Variants in GABRB2 observed in about 807,000 individuals in gnomAD.
The protein encoded by GABRB2 is gamma-aminobutyric acid type A receptor subunit beta2.
Under a neutral mutation model 54.7 loss-of-function variants are expected in GABRB2, and 16 were observed. That is an observed-to-expected ratio of 0.29 (90% CI 0.20 to 0.44). The LOEUF is 0.44. Ranked by LOEUF, GABRB2 falls within the 20% of genes least tolerant of loss-of-function variation. The pLI, the probability that GABRB2 is intolerant of heterozygous loss-of-function variation, is 1.00. For synonymous variants in GABRB2, 244 were observed against 233.8 expected, an observed-to-expected ratio of 1.04 and a Z score of -0.40; for missense variants, 355 against 644.0, an observed-to-expected ratio of 0.55 and a Z score of 4.86.
intron 4 of GABRB2, among the ~76,000 whole-genome samples, chr5:161,438,421 G>C (rs1002739940): frequency 6.6e-6 from 1 of 152,118 alleles, no homozygotes; most frequent in Non-Finnish European, 1.5e-5. Flanking sequence ...CTCCCCAAGA[G>C]AGACAGCTAC....
chr5:161,315,149 T>C (rs1347583038), intron 9 of GABRB2, among the ~76,000 whole-genome samples: 1 of 152,224 alleles, frequency 6.6e-6, no homozygotes, highest in Non-Finnish European at 1.5e-5. Context: ...GCATTACATA[T>C]AAACTTTTAA....
upstream of GABRB2, chr5:161,546,819 ATT>A: frequency 2.4e-5 from 29 of 1,211,196 alleles, no homozygotes; most frequent in Non-Finnish European, 3.0e-5. Context: ...AAAAAAAAAA[ATT>A]AAAAGGGAAA....
At chr5:161,424,327 C>G (rs922212295) in intron 4 of GABRB2, among the ~76,000 whole-genome samples, 1 of 152,088 alleles carries the variant, frequency 6.6e-6, no homozygotes, top group Non-Finnish European at 1.5e-5. Flanking sequence ...GTCAATTCCT[C>G]GATTCAAAGC....
intron 3 of GABRB2, among the ~76,000 whole-genome samples, chr5:161,523,502 T>C (rs577860804): frequency 6.6e-6 from 1 of 151,612 alleles, no homozygotes; most frequent in African/African-American, 2.4e-5. Flanking sequence ...ACTTTCCTGC[T>C]TTTCTTACAT....
chr5:161,479,689 A>G (rs565703924), intron 3 of GABRB2, among the ~76,000 whole-genome samples: 193 of 150,028 alleles, frequency 1.3e-3, no homozygotes, highest in African/African-American at 4.6e-3. Context: ...TCCCAGTTTC[A>G]AGCAATTCTC....
At chr5:161,445,722 C>T (rs1028923317) in intron 4 of GABRB2, among the ~76,000 whole-genome samples, 27 of 152,124 alleles carry the variant, frequency 1.8e-4, no homozygotes, top group South Asian at 4.1e-4. Context: ...CAACCAATTG[C>T]CAATCCGAAA....
chr5:161,531,972 G>A (rs1417958287), intron 3 of GABRB2, among the ~76,000 whole-genome samples: 1 of 152,042 alleles, frequency 6.6e-6, no homozygotes, highest in Non-Finnish European at 1.5e-5. Context: ...TCTTTAAAAT[G>A]AGCACAGTTT....
intron 9 of GABRB2, among the ~76,000 whole-genome samples, chr5:161,311,642 G>C (rs1757871840): frequency 6.6e-6 from 1 of 152,198 alleles, no homozygotes; most frequent in Non-Finnish European, 1.5e-5. Context: ...GATATTCTGA[G>C]TTGGTACTTC....
chr5:161,477,657 T>C (rs1323154492), intron 3 of GABRB2, among the ~76,000 whole-genome samples: 1 of 151,882 alleles, frequency 6.6e-6, no homozygotes, highest in Non-Finnish European at 1.5e-5. Flanking sequence ...ACACATGCTA[T>C]GACATGGATG....
At chr5:161,506,075 T>A (rs896041474) in intron 3 of GABRB2, among the ~76,000 whole-genome samples, 19 of 151,974 alleles carry the variant, frequency 1.3e-4, no homozygotes, top group Admixed American at 5.9e-4. Context: ...TGAATCTACA[T>A]ACAAAAGTAC....
At chr5:161,342,175 T>C (rs1230348438) in intron 5 of GABRB2, among the ~76,000 whole-genome samples, 2 of 151,734 alleles carry the variant, frequency 1.3e-5, no homozygotes, top group Non-Finnish European at 2.9e-5. Context: ...GTCAATGTTA[T>C]TGCGATAGTT....
At chr5:161,353,176 G>A (rs1157858507) in intron 5 of GABRB2, among the ~76,000 whole-genome samples, 1 of 151,848 alleles carries the variant, frequency 6.6e-6, no homozygotes, top group African/African-American at 2.4e-5. Flanking sequence ...ACAACTTTTG[G>A]CTTCAGTTCA....
At chr5:161,309,567 T>G (rs1192183889) in intron 9 of GABRB2, among the ~76,000 whole-genome samples, 1 of 152,114 alleles carries the variant, frequency 6.6e-6, no homozygotes, top group Non-Finnish European at 1.5e-5. Context: ...TGCATGTTAA[T>G]TGTAGCACTA....
intron 5 of GABRB2, among the ~76,000 whole-genome samples, chr5:161,370,736 G>T (rs1421919278): frequency 6.6e-6 from 1 of 152,134 alleles, no homozygotes; most frequent in African/African-American, 2.4e-5. Flanking sequence ...CCATGTAGGT[G>T]GCAATAAAAC....
intron 4 of GABRB2, among the ~76,000 whole-genome samples, chr5:161,437,385 C>T (rs1431776797): frequency 6.6e-6 from 1 of 152,068 alleles, no homozygotes; most frequent in African/African-American, 2.4e-5. Flanking sequence ...CATATGTAGA[C>T]ACATCCTGGG....
At chr5:161,439,004 A>T (rs1457657701) in intron 4 of GABRB2, among the ~76,000 whole-genome samples, 1 of 152,176 alleles carries the variant, frequency 6.6e-6, no homozygotes, top group African/African-American at 2.4e-5. Flanking sequence ...ATAATAATAG[A>T]GAACTTCCCA....
intron 3 of GABRB2, among the ~76,000 whole-genome samples, chr5:161,492,039 GA>G (rs948577542): frequency 8.6e-5 from 13 of 151,076 alleles, no homozygotes; most frequent in Non-Finnish European, 1.3e-4. Context: ...ACCCATTACT[GA>G]AAAAAAAGTA....
chr5:161,534,034 T>C (rs1561684904), intron 3 of GABRB2, among the ~76,000 whole-genome samples: 1 of 152,178 alleles, frequency 6.6e-6, no homozygotes, highest in Non-Finnish European at 1.5e-5. Flanking sequence ...TCCCACAATG[T>C]GCTAATAACC....
intron 5 of GABRB2, among the ~76,000 whole-genome samples, chr5:161,337,179 G>C (rs1270258180): frequency 6.6e-6 from 1 of 151,992 alleles, no homozygotes; most frequent in Non-Finnish European, 1.5e-5. Flanking sequence ...CATAACACTA[G>C]TTTTTACTTT....
Sources: gnomAD v4.1 joint callset for allele counts (sites outside exome capture counted in the v4.1 genomes callset) on GRCh38, gnomAD v4.1.1 for gene constraint, MANE v1.5 for transcripts, NCBI Gene and HGNC (gene_info 2026-07-23, HGNC 2026-07-21) for gene names.